The following RNGTT variants were observed in gnomAD, a reference collection of about 807,000 sequenced individuals.
RNGTT encodes the protein mRNA-capping enzyme.
In RNGTT, 33 loss-of-function variants were observed where a neutral mutation model predicts 79.3. The ratio of observed to expected loss-of-function variants is 0.42; its 90% CI spans 0.32 to 0.56. RNGTT has a LOEUF of 0.56. RNGTT is among the 20% of genes least tolerant of loss of function. The pLI is 0.17. For synonymous variants in RNGTT, 222 were observed against 235.9 expected (o/e 0.94, Z 0.54); for missense variants, 497 against 739.1 (o/e 0.67, Z 3.80).
chr6:88,952,561 A>C (rs1055263741), intron 1 of RNGTT, among the ~76,000 whole-genome samples: 1 of 152,252 alleles, frequency 6.6e-6, no homozygotes, highest in Admixed American at 6.5e-5. Context: ...AGGAAAGATA[A>C]AATAACAGCT....
chr6:88,865,116 A>C (rs1204222539), intron 8 of RNGTT, among the ~76,000 whole-genome samples: 1 of 152,160 alleles, frequency 6.6e-6, no homozygotes, highest in Non-Finnish European at 1.5e-5. Flanking sequence ...AATTTTAAAA[A>C]TTAAAGAAAA....
chr6:88,780,174 A>C (rs1265780461), intron 12 of RNGTT, among the ~76,000 whole-genome samples: 1 of 152,210 alleles, frequency 6.6e-6, no homozygotes, highest in African/African-American at 2.4e-5. Flanking sequence ...CAAAACACCT[A>C]GTAAAATGCT....
At chr6:88,901,345 T>C (rs182872260) in intron 6 of RNGTT, among the ~76,000 whole-genome samples, 155 of 151,700 alleles carry the variant, frequency 1.0e-3, no homozygotes, top group Admixed American at 2.2e-3. Context: ...AAACCACAAG[T>C]AGAAATATCA....
At position 88,835,960 on chromosome 6, in the gene RNGTT, T is replaced by C. The variant is rs564429849; in HGVS notation, c.1269+8397A>G. The stretch of plus-strand genomic sequence containing the variant: ...ACCAGCCTGGGCAATACAGCAAGAC[T>C]CTGTCTCTATTAAAAACACACACAC... On this transcript the variant is annotated intron_variant, in intron 11 of 15. Coordinates refer to ENST00000369485, the MANE Select transcript of RNGTT (RefSeq NM_003800.5). 5.7e-5 allele frequency among the ~76,000 whole-genome samples: 8 copies of C among 141,516 alleles called. No homozygotes were observed. In the East Asian group the frequency reaches 1.6e-3, roughly 29 times the overall value. The allele number at this position is 141,516 out of a possible 152,430, so 92.8% of individuals were successfully genotyped here.
At chr6:88,643,909 T>C (rs901777619) in intron 14 of RNGTT, among the ~76,000 whole-genome samples, 1 of 152,118 alleles carries the variant, frequency 6.6e-6, no homozygotes, top group African/African-American at 2.4e-5. Flanking sequence ...AGGAAAGATC[T>C]AAAATTGACA....
chr6:88,862,699 T>A (rs1782052357), intron 8 of RNGTT, among the ~76,000 whole-genome samples: 1 of 152,184 alleles, frequency 6.6e-6, no homozygotes, highest in Non-Finnish European at 1.5e-5. Context: ...CCTTATGTCA[T>A]CTTCCCAGAA....
intron 8 of RNGTT, among the ~76,000 whole-genome samples, chr6:88,887,936 C>T (rs1171942440): frequency 6.6e-6 from 1 of 151,900 alleles, no homozygotes; most frequent in Non-Finnish European, 1.5e-5. Context: ...GGCAACATGG[C>T]AAGATCATAT....
Position 88,904,867 on chromosome 6 carries a change from C to T in RNGTT, c.532G>A (p.Gly178Ser). 1 of 1,614,028 alleles carries T rather than the reference C, an allele frequency of 6.2e-7. No individual in the cohort carries two copies. Among genetic ancestry groups the T allele is most frequent in the Non-Finnish European group, 8.5e-7 (1 of 1,180,024 alleles). ...GGGGGTGGTGCTTCCTCTATGTCAC[C>T]ATACCGACGAAAAAGTTCCTTCAAA... Reference protein sequence around the residue: ...DYLKELFRRYGDIEEAPPPPL... With the variant: ...DYLKELFRRYSDIEEAPPPPL... Residue 178 changes from glycine to serine, a missense_variant, in exon 6 of 16, where the codon GGT becomes AGT. By Grantham distance (56) the Gly-to-Ser change is moderately conservative. Transcript: ENST00000369485.
At chr6:88,903,066 G>C (rs147692958) in intron 6 of RNGTT, among the ~76,000 whole-genome samples, 1 of 152,114 alleles carries the variant, frequency 6.6e-6, no homozygotes, top group Non-Finnish European at 1.5e-5. Context: ...TGGGGTAATA[G>C]AAGAATAAAA....
intron 14 of RNGTT, among the ~76,000 whole-genome samples, chr6:88,670,788 C>T (rs1056929768): frequency 2.3e-4 from 35 of 152,176 alleles, no homozygotes; most frequent in African/African-American, 8.0e-4. Context: ...GACCCTTTCA[C>T]GTGGACCCCT....
intron 13 of RNGTT, among the ~76,000 whole-genome samples, chr6:88,686,565 G>A (rs1447851389): frequency 4.6e-5 from 7 of 151,924 alleles, no homozygotes; most frequent in African/African-American, 1.7e-4. Flanking sequence ...TGTGATTGAC[G>A]TAAGGACAAA....
intron 14 of RNGTT, among the ~76,000 whole-genome samples, chr6:88,670,295 C>T (rs1421480161): frequency 6.6e-6 from 1 of 152,184 alleles, no homozygotes; most frequent in East Asian, 1.9e-4. Flanking sequence ...GGAGTAATAA[C>T]AGTATTAGGA....
At position 88,647,700 on chromosome 6, in the gene RNGTT, T is replaced by A. The variant is rs7743196; in HGVS notation, c.1506+30653A>T. Among the ~76,000 whole-genome samples, 225 of 67,964 alleles carry A rather than the reference T, an allele frequency of 3.3e-3. 1 individual carries two copies. The African/African-American group carries it at 0.036, about 11-fold the overall frequency. The allele number at this position is 67,964 out of a possible 152,430, so 44.6% of individuals were successfully genotyped here. On this transcript the variant is annotated intron_variant, in intron 14 of 15. Transcript: ENST00000369485. The stretch of plus-strand genomic sequence containing the variant: ...CCTGGGTGACAGAACCGACACCCTG[T>A]TAAAAAAAAAAAAAAAAGAAGAAGA...
intron 13 of RNGTT, among the ~76,000 whole-genome samples, chr6:88,706,300 C>T (rs145837307): frequency 9.4e-4 from 143 of 151,952 alleles, no homozygotes; most frequent in Admixed American, 2.2e-3. Flanking sequence ...GGTGTTGTCT[C>T]TGAGATCAGA....
In RNGTT at chr6:88,953,120, G is replaced by A. The variant is rs576032994; in HGVS notation, c.64+10226C>T. The stretch of plus-strand genomic sequence containing the variant: ...CCCAGCAATGGATCCAAACCAGGAA[G>A]AAATTTCTGAATTGCCAGATAAAGA... On this transcript the variant is annotated intron_variant, in intron 1 of 15. Coordinates refer to ENST00000369485, the MANE Select transcript of RNGTT (RefSeq NM_003800.5). Among the ~76,000 whole-genome samples, 20 of 152,308 alleles carry A rather than the reference G, an allele frequency of 1.3e-4. No homozygotes were observed. The South Asian group carries it at 4.1e-3, about 32-fold the overall frequency.
intron 14 of RNGTT, among the ~76,000 whole-genome samples, chr6:88,669,988 C>T (rs1774568504): frequency 6.6e-6 from 1 of 152,192 alleles, no homozygotes; most frequent in African/African-American, 2.4e-5. Flanking sequence ...GAAATAATCA[C>T]TAATGAAACT....
intron 12 of RNGTT, among the ~76,000 whole-genome samples, chr6:88,786,890 G>A (rs1261412567): frequency 6.6e-6 from 1 of 152,106 alleles, no homozygotes; most frequent in Non-Finnish European, 1.5e-5. Flanking sequence ...AGAGGACTCT[G>A]CCTTCATGAA....
chr6:88,791,570 G>C (rs930646708), intron 12 of RNGTT, among the ~76,000 whole-genome samples: 1 of 151,806 alleles, frequency 6.6e-6, no homozygotes, highest in Non-Finnish European at 1.5e-5. Context: ...GACAGAGTCT[G>C]GCTCTGACGC....
intron 1 of RNGTT, among the ~76,000 whole-genome samples, chr6:88,951,532 C>T (rs1041537471): frequency 1.3e-5 from 2 of 152,100 alleles, no homozygotes; most frequent in Non-Finnish European, 2.9e-5. Flanking sequence ...CAAACAGATC[C>T]GTTGAAAGAA....
Sources: allele counts gnomAD v4.1 joint callset (sites outside exome capture counted in the v4.1 genomes callset), GRCh38; gene constraint gnomAD v4.1.1; transcripts MANE v1.5; gene names NCBI Gene and HGNC (gene_info 2026-07-23, HGNC 2026-07-21).